EPB41L5: variants seen among roughly 807,000 people sequenced by gnomAD.
EPB41L5 encodes erythrocyte membrane protein band 4.1 like 5.
In EPB41L5, 55 loss-of-function variants were observed where a neutral mutation model predicts 106.6. The observed-to-expected ratio is 0.52, with a 90% CI of 0.42 to 0.65. The LOEUF is 0.65. Ranked by LOEUF, EPB41L5 falls within the 30% of genes least tolerant of loss-of-function variation. EPB41L5 has a pLI of 0.00. For missense variants in EPB41L5, 871 were observed against 882.1 expected (o/e 0.99, Z 0.16); for synonymous variants, 297 against 306.7 (o/e 0.97, Z 0.33).
At chr2:120,172,531 G>T (rs1425959902) in intron 24 of EPB41L5, among the ~76,000 whole-genome samples, 1 of 152,136 alleles carries the variant, frequency 6.6e-6, no homozygotes, top group East Asian at 1.9e-4. Flanking sequence ...CAAACTATCA[G>T]TGAATTCCCA....
At chr2:120,128,708 G>GTT (rs397941666) in intron 17 of EPB41L5, among the ~76,000 whole-genome samples, 67 of 141,076 alleles carry the variant, frequency 4.7e-4, no homozygotes, top group African/African-American at 1.5e-3. Flanking sequence ...GTACATCATG[G>GTT]TTTTTTTTTT....
At chr2:120,173,764 C>A (rs1687800211) in intron 24 of EPB41L5, among the ~76,000 whole-genome samples, 1 of 152,186 alleles carries the variant, frequency 6.6e-6, no homozygotes, top group Non-Finnish European at 1.5e-5. Context: ...CTGACTGCAA[C>A]CTCCAATTCC....
intron 19 of EPB41L5, among the ~76,000 whole-genome samples, chr2:120,143,686 T>C (rs563319556): frequency 3.3e-5 from 5 of 152,320 alleles, no homozygotes; most frequent in Non-Finnish European, 7.3e-5. Context: ...TCACCTGTTA[T>C]GGAGAAGATG....
rs145058584 is a variant in EPB41L5, at chr2:120,160,738, A to G, written c.1794-143A>G. 4.3e-4 allele frequency: 268 copies of G among 617,894 alleles called. 1 individual carries two copies. The African/African-American group carries it at 4.4e-3, about 10-fold the overall frequency. 38.3% of individuals were successfully genotyped at this position (617,894 alleles called of 1,614,324 possible). ...ATGTCTCATCATAGTTTGGATTTACATTTCCCTGATGATTTTGAGCATTTT... is the reference window on the plus strand; with the variant it reads ...ATGTCTCATCATAGTTTGGATTTACGTTTCCCTGATGATTTTGAGCATTTT... On this transcript the variant is annotated intron_variant, in intron 20 of 24. Transcript: ENST00000263713.
rs1391885361 is a variant in EPB41L5, at chr2:120,090,333, C to T, written c.874-14C>T. The T allele has an allele frequency of 1.3e-6, 2 of 1,580,434 alleles. No individual in the cohort carries two copies. Among genetic ancestry groups the T allele is most frequent in the Admixed American group, 1.9e-5 (1 of 52,956 alleles). On this transcript the variant is annotated splice_polypyrimidine_tract_variant and intron_variant, in intron 11 of 24. Transcript: ENST00000263713. ...ATTAGTAATCATCCTTTTATATATA[C>T]TTTTCTTTTTCAGGGCAAAGAACAG...
intron 21 of EPB41L5, 59 bp downstream of exon 21, chr2:120,161,033 C>CAGTATA: frequency 8.2e-7 from 1 of 1,226,978 alleles, no homozygotes; most frequent in South Asian, 1.2e-5. Flanking sequence ...TTGAATCTTG[C>CAGTATA]AGTATAACCA....
rs566768316 is a variant in EPB41L5 at position 120,175,727 on chromosome 2, C to T, written c.*820C>T. ...TCAGGCATCTGCACTCCTCCGAGCC[C>T]GGTGGAGAATGCAGGCTGCTGTAGT... On this transcript the variant is annotated 3_prime_UTR_variant, in exon 25 of 25. Coordinates refer to ENST00000263713, the MANE Select transcript of EPB41L5 (RefSeq NM_020909.4). 1 of 152,070 alleles carries T rather than the reference C, an allele frequency of 6.6e-6. No individual in the cohort carries two copies. Among genetic ancestry groups the T allele is most frequent in the Admixed American group, 6.6e-5 (1 of 15,260 alleles). The allele number at this position is 152,070 out of a possible 1,614,324, so 9.4% of individuals were successfully genotyped here.
In EPB41L5 at chr2:120,100,734, T is replaced by C; in HGVS notation, c.1257T>C (p.Pro419=). ...TGAGATCTGCTCTGCCTGTGAGTCCTTCCATTTCCTCTGCTCCTGTGCCAG... is the reference window on the plus strand; with the variant it reads ...TGAGATCTGCTCTGCCTGTGAGTCCCTCCATTTCCTCTGCTCCTGTGCCAG... ...WGMRSALPVS[P]SISSAPVPVE... The change falls in exon 16 of 25, where the codon CCT becomes CCC. Residue 419 remains proline (P), a synonymous_variant. Transcript: ENST00000263713. 6.2e-7 allele frequency: 1 copy of C among 1,613,958 alleles called. No individual in the cohort carries two copies. Among genetic ancestry groups the C allele is most frequent in the Non-Finnish European group, 8.5e-7 (1 of 1,179,898 alleles).
At position 120,074,126 on chromosome 2, in the gene EPB41L5, C is replaced by G. The variant is rs1189208707; in HGVS notation, c.355C>G (p.Arg119Gly). ...KIGSPYCLHL[R>G]VKFYSSEPNN... ...TGGTTCACCCTATTGTCTGCATCTTCGAGTTAAGTTTTATTCCTCAGAACC... is the reference window on the plus strand; with the variant it reads ...TGGTTCACCCTATTGTCTGCATCTTGGAGTTAAGTTTTATTCCTCAGAACC... Residue 119 changes from arginine to glycine, a missense_variant, in exon 5 of 25, where the codon CGA (arginine) becomes GGA (glycine). Physicochemically the swap from Arg to Gly is moderately radical, Grantham distance 125 (BLOSUM62 -2). Transcript: ENST00000263713. 1 of 1,610,904 alleles carries G rather than the reference C, an allele frequency of 6.2e-7. No homozygotes were observed. Among genetic ancestry groups the G allele is most frequent in the Non-Finnish European group, 8.5e-7 (1 of 1,178,798 alleles).
In EPB41L5 at chr2:120,063,487, A is replaced by G. The variant is rs114509344; in HGVS notation, c.286-9691A>G. Among the ~76,000 whole-genome samples the G allele has an allele frequency of 5.8e-3, 879 of 152,264 alleles. 8 individuals are homozygous for G. Among genetic ancestry groups the G allele is most frequent in the African/African-American group, 0.02 (838 of 41,542 alleles). ...TGTACTTTATCTCTGGAAAGTGAAT[A>G]TATAACCTACATAACTCGTGAAAAA... is the stretch of plus-strand genomic sequence containing the variant. On this transcript the variant is annotated intron_variant, in intron 3 of 24. Transcript: ENST00000263713.
At chr2:120,121,896 T>A (rs903240009) in intron 16 of EPB41L5, among the ~76,000 whole-genome samples, 3 of 152,206 alleles carry the variant, frequency 2.0e-5, no homozygotes, top group African/African-American at 7.2e-5. Flanking sequence ...TGGGATCTCA[T>A]TGTGGTTTTG....
intron 9 of EPB41L5, among the ~76,000 whole-genome samples, chr2:120,077,987 G>T (rs1682373793): frequency 6.6e-6 from 1 of 152,094 alleles, no homozygotes; most frequent in South Asian, 2.1e-4. Flanking sequence ...AGAGGGAGGT[G>T]CTACACACTT....
At chr2:120,148,242 A>G (rs1686498713) in intron 20 of EPB41L5, among the ~76,000 whole-genome samples, 1 of 152,100 alleles carries the variant, frequency 6.6e-6, no homozygotes. Flanking sequence ...TGCAACCATT[A>G]CCACTATAAT....
intron 24 of EPB41L5, among the ~76,000 whole-genome samples, chr2:120,168,839 A>G (rs987155894): frequency 7.9e-5 from 12 of 152,328 alleles, no homozygotes; most frequent in East Asian, 1.9e-4. Context: ...GACACTAAAG[A>G]TAACAGTGAA....
At chr2:120,159,544 A>G (rs1687056428) in intron 20 of EPB41L5, among the ~76,000 whole-genome samples, 2 of 152,182 alleles carry the variant, frequency 1.3e-5, no homozygotes, top group African/African-American at 2.4e-5. Context: ...ACCGAACTAG[A>G]AGAAACTATT....
At chr2:120,150,782 G>C (rs1686637726) in intron 20 of EPB41L5, among the ~76,000 whole-genome samples, 1 of 152,044 alleles carries the variant, frequency 6.6e-6, no homozygotes, top group Non-Finnish European at 1.5e-5. Flanking sequence ...CCGAATACAT[G>C]ATTTGAAAAT....
In EPB41L5 at chr2:120,074,134, G is replaced by A. The variant is rs1178698114; in HGVS notation, c.363G>A (p.Lys121=). The change falls in exon 5 of 25, where the codon AAG becomes AAA. Residue 121 remains lysine (K), a synonymous_variant. Transcript: ENST00000263713. ...GSPYCLHLRV[K]FYSSEPNNLR... ...CCTATTGTCTGCATCTTCGAGTTAA[G>A]TTTTATTCCTCAGAACCAAATAACC... 2 of 1,611,712 alleles carry A rather than the reference G, an allele frequency of 1.2e-6. No homozygotes were observed. Among genetic ancestry groups the A allele is most frequent in the Non-Finnish European group, 1.7e-6 (2 of 1,179,070 alleles).
At chr2:120,125,990 T>A (rs1454734075) in intron 16 of EPB41L5, among the ~76,000 whole-genome samples, 1 of 152,208 alleles carries the variant, frequency 6.6e-6, no homozygotes, top group Non-Finnish European at 1.5e-5. Context: ...ATCACCCTGA[T>A]ATCTGCCTTT....
At chr2:120,112,972 T>C (rs999741451) in intron 16 of EPB41L5, among the ~76,000 whole-genome samples, 1 of 152,172 alleles carries the variant, frequency 6.6e-6, no homozygotes, top group Non-Finnish European at 1.5e-5. Context: ...TCCATAACTC[T>C]GTAAAGGTTG....
Sources: allele counts gnomAD v4.1 joint callset (sites outside exome capture counted in the v4.1 genomes callset), GRCh38; gene constraint gnomAD v4.1.1; transcripts MANE v1.5; gene names NCBI Gene and HGNC (gene_info 2026-07-23, HGNC 2026-07-21).